Variants in COL4A5 observed in about 807,000 individuals in gnomAD.
COL4A5 encodes collagen type IV alpha 5 chain.
In COL4A5, 26 loss-of-function variants were observed where a neutral mutation model predicts 130.2. The observed-to-expected ratio is 0.20, with a 90% CI of 0.15 to 0.28. The LOEUF (loss-of-function observed/expected upper bound fraction) is 0.28, where lower values mean the gene tolerates loss of function less well. COL4A5 is among the 10% of genes least tolerant of loss of function. COL4A5 has a pLI of 1.00. For synonymous variants in COL4A5, 496 were observed against 439.6 expected (o/e 1.13, Z -1.60); for missense variants, 1,131 against 1,344.3 (o/e 0.84, Z 2.48).
At chrX:108,505,594 G>A (rs1422187065) in intron 1 of COL4A5, among the ~76,000 whole-genome samples, 2 of 111,266 alleles carry the variant, frequency 1.8e-5, no homozygotes, top group Non-Finnish European at 3.8e-5. Context: ...TATAAAAAGA[G>A]ACACCAGAGA....
chrX:108,627,394 A>G (rs1482787342), intron 36 of COL4A5: 3 of 726,657 alleles, frequency 4.1e-6, no homozygotes, highest in East Asian at 1.5e-4. Context: ...ATATATATGC[A>G]TATAGAGTTT....
Position 108,487,034 on chromosome X carries a change from G to T in COL4A5, c.81+46828G>T, listed in dbSNP as rs151330463. Reference sequence around the variant, plus strand: ...GGTAGATCTACTTTTAGTTCTTTAAGAAATCTCCACAGTGTTTTCCATAGT... The same window carrying T: ...GGTAGATCTACTTTTAGTTCTTTAATAAATCTCCACAGTGTTTTCCATAGT... On this transcript the variant is annotated intron_variant, in intron 1 of 52. Coordinates refer to ENST00000328300, the MANE Select transcript of COL4A5 (RefSeq NM_033380.3). Among the ~76,000 whole-genome samples, 113 of 112,081 alleles carry T rather than the reference G, an allele frequency of 1.0e-3. 4 individuals carry two copies. The East Asian group carries it at 0.031, about 30-fold the overall frequency.
intron 1 of COL4A5, among the ~76,000 whole-genome samples, chrX:108,531,424 T>C: frequency 9.3e-6 from 1 of 107,326 alleles, no homozygotes; most frequent in Middle Eastern, 4.8e-3. Flanking sequence ...GAAATGAAAA[T>C]GTAAACACAA....
chrX:108,515,423 C>T (rs2065211835), intron 1 of COL4A5, among the ~76,000 whole-genome samples: 1 of 111,819 alleles, frequency 8.9e-6, no homozygotes. Flanking sequence ...GATCAAAGCT[C>T]ATTGGTTGAC....
At chrX:108,446,180 A>T (rs945032178) in intron 1 of COL4A5, among the ~76,000 whole-genome samples, 1 of 112,002 alleles carries the variant, frequency 8.9e-6, no homozygotes, top group African/African-American at 3.2e-5. Flanking sequence ...AAAATAAAAA[A>T]GTAAGTTGGG....
At chrX:108,596,451 T>C (rs1367484184) in intron 22 of COL4A5, among the ~76,000 whole-genome samples, 4 of 111,954 alleles carry the variant, frequency 3.6e-5, no homozygotes, top group Non-Finnish European at 5.6e-5. Context: ...TTCTAATTAG[T>C]AGCCAGGTGG....
At chrX:108,689,978 A>G (rs1476284210) in intron 49 of COL4A5, 1 of 751,267 alleles carries the variant, frequency 1.3e-6, no homozygotes, top group African/African-American at 2.3e-5. Context: ...AGATACTTCC[A>G]TCATTATGGG....
At chrX:108,587,215 T>C (rs2066350248) in intron 19 of COL4A5, among the ~76,000 whole-genome samples, 1 of 111,455 alleles carries the variant, frequency 9.0e-6, no homozygotes, top group Non-Finnish European at 1.9e-5. Flanking sequence ...TGAAACTTAT[T>C]GCTTCTATCT....
intron 16 of COL4A5, among the ~76,000 whole-genome samples, 184 bp downstream of exon 16, chrX:108,581,211 A>T (rs2066243272): frequency 8.9e-6 from 1 of 111,852 alleles, no homozygotes; most frequent in African/African-American, 3.2e-5. Flanking sequence ...TTGTGAGTAC[A>T]TAGTAGGTGT....
intron 1 of COL4A5, among the ~76,000 whole-genome samples, chrX:108,495,606 G>C (rs1374242849): frequency 2.0e-4 from 22 of 111,984 alleles, no homozygotes; most frequent in Non-Finnish European, 1.9e-5. Context: ...TGGTGACAAA[G>C]AAATTTGGAG....
rs375440029 is a variant in COL4A5 at position 108,470,728 on chromosome X, G to A, written c.81+30522G>A. Among the ~76,000 whole-genome samples, 71 of 111,513 alleles carry A rather than the reference G, an allele frequency of 6.4e-4. 3 individuals are homozygous for A. The East Asian group carries it at 9.3e-3, about 15-fold the overall frequency. ...TCATAAATTATTTCCCAAGGCTAAT[G>A]TCCAGGATGGTGGTTCCTAGGTTTT... is the stretch of plus-strand genomic sequence containing the variant. On this transcript the variant is annotated intron_variant, in intron 1 of 52. Coordinates refer to ENST00000328300, the MANE Select transcript of COL4A5 (RefSeq NM_033380.3).
intron 2 of COL4A5, among the ~76,000 whole-genome samples, chrX:108,554,523 G>A (rs1477587982): frequency 9.0e-6 from 1 of 111,313 alleles, no homozygotes; most frequent in Admixed American, 9.6e-5. Flanking sequence ...ATGAGATTTG[G>A]GTGAGGACCC....
intron 20 of COL4A5, 79 bp downstream of exon 20, chrX:108,591,310 G>T: frequency 1.0e-6 from 1 of 997,490 alleles, no homozygotes; most frequent in African/African-American, 2.0e-5. Context: ...GCTAAAGGTT[G>T]GCCTCATTTG....
chrX:108,480,651 A>G (rs966819916), intron 1 of COL4A5, among the ~76,000 whole-genome samples: 1 of 113,003 alleles, frequency 8.8e-6, no homozygotes, highest in Non-Finnish European at 1.9e-5. Context: ...TGCCAAGTCA[A>G]TGGCTGCATA....
intron 1 of COL4A5, among the ~76,000 whole-genome samples, chrX:108,507,247 C>CAAAAAAAAAAAAAA (rs1195605237): frequency 2.0e-4 from 10 of 50,745 alleles, no homozygotes; most frequent in Admixed American, 2.5e-4. Context: ...ACAACAACAA[C>CAAAAAAAAAAAAAA]AAAAAAAAAA....
intron 15 of COL4A5, 108 bp downstream of exon 15, chrX:108,580,846 G>A: frequency 1.0e-6 from 1 of 952,700 alleles, no homozygotes; most frequent in Middle Eastern, 2.7e-4. Context: ...TATCACTACT[G>A]ACATTATAAT....
intron 38 of COL4A5, 144 bp downstream of exon 38, chrX:108,665,731 A>G: frequency 2.1e-6 from 1 of 478,107 alleles, no homozygotes; most frequent in Non-Finnish European, 3.7e-6. Context: ...CATGTGAGGT[A>G]CAGAATGAAT....
At chrX:108,537,671 T>C (rs2065475187) in intron 1 of COL4A5, among the ~76,000 whole-genome samples, 1 of 112,113 alleles carries the variant, frequency 8.9e-6, no homozygotes, top group African/African-American at 3.2e-5. Flanking sequence ...GATGGAAAGC[T>C]ACACTGTCTT....
chrX:108,621,780 T>C, intron 31 of COL4A5, 23 bp from the exon 32 acceptor site: 1 of 1,124,138 alleles, frequency 8.9e-7, no homozygotes, highest in Non-Finnish European at 1.2e-6. Flanking sequence ...AAGGCAAACA[T>C]TACTTATTGA....
Sources: allele counts gnomAD v4.1 joint callset (sites outside exome capture counted in the v4.1 genomes callset), GRCh38; gene constraint gnomAD v4.1.1; transcripts MANE v1.5; gene names NCBI Gene and HGNC (gene_info 2026-07-23, HGNC 2026-07-21).